The following DCC variants were observed in gnomAD, a reference collection of about 807,000 sequenced individuals.
The protein encoded by DCC is netrin receptor DCC.
Under a neutral mutation model 172.5 loss-of-function variants are expected in DCC, and 58 were observed. That is an observed-to-expected ratio of 0.34 (90% confidence interval 0.27 to 0.42). The LOEUF is 0.42. Among genes scored for constraint, DCC ranks in the 10% least tolerant of loss-of-function variants. The pLI, the probability that DCC is intolerant of heterozygous loss-of-function variation, is 1.00. For synonymous variants in DCC, 709 were observed against 644.5 expected (o/e 1.10, Z -1.52); for missense variants, 1,740 against 1,791.0 (o/e 0.97, Z 0.51).
chr18:53,484,541 C>G (rs901961828), intron 25 of DCC, among the ~76,000 whole-genome samples: 5 of 151,940 alleles, frequency 3.3e-5, no homozygotes, highest in Non-Finnish European at 5.9e-5. Flanking sequence ...CACCTATGCT[C>G]TCTCCTAGGA....
intron 12 of DCC, among the ~76,000 whole-genome samples, chr18:53,230,990 G>T (rs1360130811): frequency 6.6e-6 from 1 of 150,604 alleles, no homozygotes; most frequent in Non-Finnish European, 1.5e-5. Flanking sequence ...TAAAATTGGT[G>T]TTTTTTTTTC....
intron 2 of DCC, among the ~76,000 whole-genome samples, chr18:52,866,351 C>T (rs1309779829): frequency 6.6e-6 from 1 of 152,088 alleles, no homozygotes; most frequent in Non-Finnish European, 1.5e-5. Flanking sequence ...GTTCCTTTTG[C>T]TTAGGATTGT....
chr18:52,542,590 C>T lies in DCC; in HGVS notation c.91+201712C>T, dbSNP rs4127432. ...GTGGCTCACACCTGTAATCCCAACA[C>T]TTTGGAAGGCCGAGGTGGGCAGATC... On this transcript the variant is annotated intron_variant, in intron 1 of 28. Coordinates refer to ENST00000442544, the MANE Select transcript of DCC (RefSeq NM_005215.4). 5.0e-3 allele frequency among the ~76,000 whole-genome samples: 769 copies of T among 152,286 alleles called. 9 individuals carry two copies. Among genetic ancestry groups the T allele is most frequent in the South Asian group, 0.033 (158 of 4,826 alleles).
intron 2 of DCC, among the ~76,000 whole-genome samples, chr18:52,764,349 C>T (rs1349231780): frequency 6.6e-6 from 1 of 152,194 alleles, no homozygotes; most frequent in Non-Finnish European, 1.5e-5. Context: ...CATCCATGTC[C>T]TGGGTTTCTG....
At chr18:53,117,691 TG>T (rs200014293) in intron 7 of DCC, among the ~76,000 whole-genome samples, 56,281 of 151,366 alleles carry the variant, frequency 0.37, 11,547 homozygotes, top group Non-Finnish European at 0.46. Context: ...AACTTTTTTT[TG>T]TAAAGACCAG....
At chr18:52,700,330 T>G (rs1394192086) in intron 1 of DCC, among the ~76,000 whole-genome samples, 3 of 143,370 alleles carry the variant, frequency 2.1e-5, no homozygotes, top group Admixed American at 7.0e-5. Flanking sequence ...ACTCACGGAA[T>G]GCACACCCAT....
At chr18:53,057,079 T>TAAAAAAAAAAAAAAAAA (rs11316527) in intron 5 of DCC, among the ~76,000 whole-genome samples, 1 of 89,328 alleles carries the variant, frequency 1.1e-5, no homozygotes, top group Non-Finnish European at 2.1e-5. Flanking sequence ...CTTCTAAAAG[T>TAAAAAAAAAAAAAAAAA]AAAAAAAAAA....
chr18:53,045,398 T>G (rs1017955463), intron 5 of DCC, among the ~76,000 whole-genome samples: 5 of 151,840 alleles, frequency 3.3e-5, no homozygotes, highest in Non-Finnish European at 5.9e-5. Flanking sequence ...AAGAAGTGTT[T>G]CCTTGAGGCT....
chr18:53,508,056 C>CTAAT (rs1485047545), intron 27 of DCC, among the ~76,000 whole-genome samples: 1 of 151,918 alleles, frequency 6.6e-6, no homozygotes, highest in Non-Finnish European at 1.5e-5. Context: ...CCATGCCCAG[C>CTAAT]TAATTTTTTT....
intron 5 of DCC, among the ~76,000 whole-genome samples, chr18:52,983,143 T>C (rs1163775785): frequency 6.6e-6 from 1 of 152,198 alleles, no homozygotes; most frequent in Non-Finnish European, 1.5e-5. Flanking sequence ...AAGTGAATAT[T>C]AGGAAAGTAA....
intron 1 of DCC, among the ~76,000 whole-genome samples, chr18:52,417,169 A>ATTCTT (rs1432407274): frequency 6.6e-6 from 1 of 152,030 alleles, no homozygotes; most frequent in East Asian, 1.9e-4. Flanking sequence ...TGGGTTGAAA[A>ATTCTT]TTCTTTTCTT....
intron 1 of DCC, among the ~76,000 whole-genome samples, chr18:52,444,283 A>G (rs781171989): frequency 6.6e-6 from 1 of 152,186 alleles, no homozygotes; most frequent in African/African-American, 2.4e-5. Flanking sequence ...CTAAAACATG[A>G]CCTTGAAAAT....
intron 5 of DCC, among the ~76,000 whole-genome samples, chr18:53,020,484 C>A (rs902257685): frequency 1.3e-5 from 2 of 152,080 alleles, no homozygotes; most frequent in African/African-American, 2.4e-5. Flanking sequence ...ATTGAACCTG[C>A]ACCAAAAGTT....
At chr18:52,990,755 A>C (rs547050764) in intron 5 of DCC, among the ~76,000 whole-genome samples, 1 of 152,132 alleles carries the variant, frequency 6.6e-6, no homozygotes, top group Non-Finnish European at 1.5e-5. Context: ...TAAATTGTGT[A>C]AAAGAAACAA....
At chr18:53,394,047 C>T (rs1908756115) in intron 17 of DCC, among the ~76,000 whole-genome samples, 1 of 152,038 alleles carries the variant, frequency 6.6e-6, no homozygotes, top group Non-Finnish European at 1.5e-5. Context: ...TCACTTTGTA[C>T]TTTTCAAGCC....
intron 14 of DCC, among the ~76,000 whole-genome samples, chr18:53,338,331 C>T (rs950462209): frequency 6.6e-6 from 1 of 152,160 alleles, no homozygotes; most frequent in East Asian, 1.9e-4. Flanking sequence ...TGGCTGGGCA[C>T]GATGGCTCAA....
At chr18:53,428,362 A>G (rs1235763001) in intron 21 of DCC, among the ~76,000 whole-genome samples, 1 of 44,494 alleles carries the variant, frequency 2.2e-5, no homozygotes, top group African/African-American at 6.3e-5. Flanking sequence ...TATGTTGTAT[A>G]TAATATAATA....
chr18:53,016,397 C>T (rs568996256), intron 5 of DCC, among the ~76,000 whole-genome samples: 2 of 152,004 alleles, frequency 1.3e-5, no homozygotes, highest in Non-Finnish European at 2.9e-5. Flanking sequence ...AAGCATCATG[C>T]ATTTAGCTGA....
intron 1 of DCC, among the ~76,000 whole-genome samples, chr18:52,356,459 G>A (rs1205431961): frequency 6.6e-6 from 1 of 152,142 alleles, no homozygotes; most frequent in African/African-American, 2.4e-5. Flanking sequence ...ACATTTTGCG[G>A]CCAAAGGGCA....
Sources: allele counts gnomAD v4.1 joint callset (sites outside exome capture counted in the v4.1 genomes callset), GRCh38; gene constraint gnomAD v4.1.1; transcripts MANE v1.5; gene names NCBI Gene and HGNC (gene_info 2026-07-23, HGNC 2026-07-21).